MDGA2: variants seen among roughly 807,000 people sequenced by gnomAD.
MDGA2 encodes MAM domain containing glycosylphosphatidylinositol anchor 2.
In MDGA2, 40 loss-of-function variants were observed where a neutral mutation model predicts 117.8. The observed-to-expected ratio is 0.34, with a 90% CI of 0.26 to 0.44. The LOEUF (loss-of-function observed/expected upper bound fraction) is 0.44. Ranked by LOEUF, MDGA2 falls within the 20% of genes least tolerant of loss-of-function variation. The probability of loss-of-function intolerance (pLI) is 1.00; values close to 1 mark genes in which losing one functional copy is unlikely to be tolerated. For synonymous variants in MDGA2, 452 were observed against 439.0 expected (o/e 1.03, Z -0.37); for missense variants, 1,123 against 1,250.6 (o/e 0.90, Z 1.54).
At position 47,171,457 on chromosome 14, in the gene MDGA2, G is replaced by C. The variant is rs964569176; in HGVS notation, c.596-27183C>G. 2.2e-4 allele frequency among the ~76,000 whole-genome samples: 34 copies of C among 152,294 alleles called. No individual in the cohort carries two copies. In the South Asian group the frequency reaches 6.2e-3, roughly 28 times the overall value. ...ACTGGAAGAAAAACTAACCAAGGAA[G>C]AGGCAATTTATATGAAAAATGTAAC... On this transcript the variant is annotated intron_variant, in intron 3 of 16. Transcript: ENST00000399232.
intron 1 of MDGA2, among the ~76,000 whole-genome samples, chr14:47,542,733 T>A (rs1389037905): frequency 1.3e-5 from 2 of 152,190 alleles, no homozygotes; most frequent in Non-Finnish European, 2.9e-5. Flanking sequence ...AATCAGATTT[T>A]AAAAAAATTT....
intron 1 of MDGA2, among the ~76,000 whole-genome samples, chr14:47,341,916 G>A (rs1890635768): frequency 1.3e-5 from 2 of 152,046 alleles, no homozygotes; most frequent in Non-Finnish European, 2.9e-5. Context: ...TTAGCTCACT[G>A]AAACCTCTGA....
intron 1 of MDGA2, among the ~76,000 whole-genome samples, chr14:47,573,479 C>T (rs1483241219): frequency 6.6e-6 from 1 of 152,150 alleles, no homozygotes; most frequent in Non-Finnish European, 1.5e-5. Context: ...TTTTCACAAA[C>T]CCAGTGTTCA....
chr14:47,016,394 T>G, intron 8 of MDGA2, among the ~76,000 whole-genome samples: 1 of 152,102 alleles, frequency 6.6e-6, no homozygotes, highest in African/African-American at 2.4e-5. Flanking sequence ...TCTGCTAGGT[T>G]TTTAAGATTA....
At chr14:47,324,754 T>C (rs1398687293) in intron 1 of MDGA2, among the ~76,000 whole-genome samples, 1 of 152,156 alleles carries the variant, frequency 6.6e-6, no homozygotes, top group Non-Finnish European at 1.5e-5. Flanking sequence ...GCAAGAGGTT[T>C]TCTTGATTTC....
At chr14:47,242,637 A>C (rs8018768) in intron 2 of MDGA2, among the ~76,000 whole-genome samples, 3 of 151,574 alleles carry the variant, frequency 2.0e-5, no homozygotes, top group African/African-American at 7.3e-5. Flanking sequence ...CTGGCCCACC[A>C]GCGCTGCGCT....
intron 9 of MDGA2, among the ~76,000 whole-genome samples, chr14:46,941,351 G>C (rs1363056241): frequency 6.6e-6 from 1 of 152,122 alleles, no homozygotes; most frequent in Non-Finnish European, 1.5e-5. Flanking sequence ...ACAAGAAAAC[G>C]TCTATTGACT....
At chr14:47,615,910 T>C (rs1436446399) in intron 1 of MDGA2, among the ~76,000 whole-genome samples, 1 of 152,156 alleles carries the variant, frequency 6.6e-6, no homozygotes, top group East Asian at 1.9e-4. Flanking sequence ...AATCTGAGCC[T>C]GAGCCCTTCA....
At chr14:47,530,799 T>G (rs1895082983) in intron 1 of MDGA2, among the ~76,000 whole-genome samples, 1 of 152,186 alleles carries the variant, frequency 6.6e-6, no homozygotes, top group Non-Finnish European at 1.5e-5. Context: ...TTCACTTGAA[T>G]TTTTTGCTAC....
Position 47,257,615 on chromosome 14 carries a change from C to T in MDGA2, c.421-39420G>A, listed in dbSNP as rs138131627. 4.5e-3 allele frequency among the ~76,000 whole-genome samples: 685 copies of T among 152,208 alleles called. 3 individuals are homozygous for T. The highest frequency in any genetic ancestry group is 6.9e-3 in the Non-Finnish European group (468 of 68,004). On this transcript the variant is annotated intron_variant, in intron 2 of 16. Coordinates refer to ENST00000399232, the MANE Select transcript of MDGA2 (RefSeq NM_001113498.3). Reference sequence around the variant, plus strand: ...TGCCTGGCCTATAGAATTACTTTAACGCAATTTTTGTAATTATTGAACACA... The same window carrying T: ...TGCCTGGCCTATAGAATTACTTTAATGCAATTTTTGTAATTATTGAACACA...
At chr14:47,126,538 A>G (rs959429880) in intron 5 of MDGA2, among the ~76,000 whole-genome samples, 4 of 152,118 alleles carry the variant, frequency 2.6e-5, no homozygotes, top group East Asian at 1.9e-4. Flanking sequence ...TTCCACCACA[A>G]TGCTATTTCA....
At chr14:47,403,399 T>C (rs1362081127) in intron 1 of MDGA2, among the ~76,000 whole-genome samples, 1 of 152,210 alleles carries the variant, frequency 6.6e-6, no homozygotes, top group Non-Finnish European at 1.5e-5. Flanking sequence ...TCCCCTTTTA[T>C]GCTGTCTAGA....
Position 46,929,627 on chromosome 14 carries a change from A to G in MDGA2, c.2090-9467T>C, listed in dbSNP as rs867207720. On this transcript the variant is annotated intron_variant, in intron 9 of 16. Transcript: ENST00000399232. ...TATATATATATATATATATATATAT[A>G]TATATATATATATATATATACATTT... Among the ~76,000 whole-genome samples the G allele has an allele frequency of 4.1e-4, 11 of 26,702 alleles. 3 individuals carry two copies. Among genetic ancestry groups the G allele is most frequent in the African/African-American group, 1.1e-3 (8 of 7,180 alleles). The allele number at this position is 26,702 out of a possible 152,430, so 17.5% of individuals were successfully genotyped here.
At chr14:46,891,799 AT>A (rs940269346) in intron 10 of MDGA2, among the ~76,000 whole-genome samples, 14 of 151,566 alleles carry the variant, frequency 9.2e-5, no homozygotes, top group African/African-American at 3.1e-4. Context: ...TTATTATTGG[AT>A]TTTTTTAATG....
Position 47,446,526 on chromosome 14 carries a change from GTTTGT to G in MDGA2, c.281-144981_281-144977del, listed in dbSNP as rs375318139. Among the ~76,000 whole-genome samples the G allele has an allele frequency of 3.2e-3, 491 of 152,146 alleles. 1 individual carries two copies. Among genetic ancestry groups the G allele is most frequent in the African/African-American group, 0.011 (455 of 41,520 alleles). ...AATACTAGAAATATTTTGGTGGGTG[GTTTGT>G]TTTAATAGAAAATTCTTTGTAAAAA... On this transcript the variant is annotated intron_variant, in intron 1 of 16. Transcript: ENST00000399232.
chr14:47,668,080 C>T (rs774631773), intron 1 of MDGA2, among the ~76,000 whole-genome samples: 17 of 152,130 alleles, frequency 1.1e-4, no homozygotes, highest in Non-Finnish European at 2.2e-4. Context: ...TTCTGTAACT[C>T]CTAGGGAATA....
At chr14:47,581,855 C>A (rs1235779077) in intron 1 of MDGA2, among the ~76,000 whole-genome samples, 1 of 151,902 alleles carries the variant, frequency 6.6e-6, no homozygotes, top group Non-Finnish European at 1.5e-5. Context: ...CTGGCTAATA[C>A]ACACTGGGTT....
At chr14:47,308,742 A>G (rs958313774) in intron 1 of MDGA2, among the ~76,000 whole-genome samples, 4 of 151,452 alleles carry the variant, frequency 2.6e-5, no homozygotes, top group African/African-American at 9.7e-5. Context: ...TTTACTGTCT[A>G]GTGATTAGAA....
intron 3 of MDGA2, among the ~76,000 whole-genome samples, chr14:47,194,440 T>TA (rs1382515134): frequency 8.0e-4 from 120 of 150,566 alleles, no homozygotes; most frequent in Non-Finnish European, 9.9e-4. Flanking sequence ...TATATATATA[T>TA]TTTTTTACAG....
Sources: gnomAD v4.1 joint callset for allele counts (sites outside exome capture counted in the v4.1 genomes callset) on GRCh38, gnomAD v4.1.1 for gene constraint, MANE v1.5 for transcripts, NCBI Gene and HGNC (gene_info 2026-07-23, HGNC 2026-07-21) for gene names.